Variants in CPED1 observed in about 807,000 individuals in gnomAD.
The protein encoded by CPED1 is cadherin like and PC-esterase domain containing 1.
In CPED1, 114 loss-of-function variants were observed where a neutral mutation model predicts 128.2. The ratio of observed to expected loss-of-function variants is 0.89; its 90% CI spans 0.76 to 1.04. The LOEUF (loss-of-function observed/expected upper bound fraction) is 1.04. Among genes scored for constraint, CPED1 ranks in the 50% least tolerant of loss-of-function variants. CPED1 has a pLI of 0.00. For missense variants in CPED1, 1,211 were observed against 1,207.1 expected (o/e 1.00, Z -0.05); for synonymous variants, 462 against 426.7 (o/e 1.08, Z -1.02).
At chr7:121,207,067 G>A (rs1159769815) in intron 16 of CPED1, among the ~76,000 whole-genome samples, 1 of 151,842 alleles carries the variant, frequency 6.6e-6, no homozygotes, top group Non-Finnish European at 1.5e-5. Context: ...TTCAGGTCAG[G>A]AGATATGAAA....
At chr7:121,227,000 A>G (rs1798029899) in intron 16 of CPED1, among the ~76,000 whole-genome samples, 1 of 152,068 alleles carries the variant, frequency 6.6e-6, no homozygotes, top group South Asian at 2.1e-4. Context: ...CCATTTGGAA[A>G]TTTCTCAAAA....
intron 22 of CPED1, among the ~76,000 whole-genome samples, chr7:121,286,126 G>A (rs1792566212): frequency 3.9e-5 from 6 of 152,164 alleles, no homozygotes; most frequent in Admixed American, 3.9e-4. Context: ...AGTGCATGGT[G>A]AAGCAGGGGA....
intron 16 of CPED1, among the ~76,000 whole-genome samples, chr7:121,225,524 TG>T (rs1797985274): frequency 6.6e-6 from 1 of 152,150 alleles, no homozygotes; most frequent in Non-Finnish European, 1.5e-5. Context: ...AATGTTGGCC[TG>T]CCTTGCTAGG....
At chr7:121,046,016 A>G (rs932937031) in intron 3 of CPED1, among the ~76,000 whole-genome samples, 1 of 152,070 alleles carries the variant, frequency 6.6e-6, no homozygotes, top group Non-Finnish European at 1.5e-5. Context: ...TATGTAGGGC[A>G]TGTGATCTAT....
In CPED1 at chr7:121,236,751, G is replaced by C. The variant is rs562249250; in HGVS notation, c.2093G>C (p.Gly698Ala). 1 of 1,608,524 alleles carries C rather than the reference G, an allele frequency of 6.2e-7. No individual in the cohort carries two copies. Among genetic ancestry groups the C allele is most frequent in the Admixed American group, 1.7e-5 (1 of 58,770 alleles). ...CTGATTCATCCAGAGGAAACCTGTG[G>C]GTTACAGCCTATTTCTTCTGACTAC... is the stretch of plus-strand genomic sequence containing the variant. ...GLLIHPEETC[G>A]LQPISSDYIE... Residue 698 changes from glycine (G) to alanine (A), a missense_variant, in exon 17 of 23, where the codon GGG (glycine) becomes GCG (alanine). Coordinates refer to ENST00000310396, the MANE Select transcript of CPED1 (RefSeq NM_024913.5).
chr7:121,291,925 C>G (rs1317342492), intron 22 of CPED1, among the ~76,000 whole-genome samples: 1 of 152,116 alleles, frequency 6.6e-6, no homozygotes, highest in Non-Finnish European at 1.5e-5. Flanking sequence ...CAGTATGATA[C>G]TGGCTGTGGG....
chr7:121,066,404 T>C (rs1793832001), intron 5 of CPED1, among the ~76,000 whole-genome samples: 1 of 152,272 alleles, frequency 6.6e-6, no homozygotes, highest in Non-Finnish European at 1.5e-5. Context: ...TATGTGTGTA[T>C]ATATAACTTA....
intron 16 of CPED1, among the ~76,000 whole-genome samples, chr7:121,203,614 C>T (rs1043088955): frequency 1.3e-5 from 2 of 152,178 alleles, no homozygotes; most frequent in Non-Finnish European, 2.9e-5. Flanking sequence ...GCAGCAAGGC[C>T]ATCACCCTCT....
At chr7:121,159,693 A>T (rs959585222) in intron 16 of CPED1, among the ~76,000 whole-genome samples, 12 of 152,264 alleles carry the variant, frequency 7.9e-5, no homozygotes, top group Admixed American at 1.3e-4. Context: ...GTATCTTTTT[A>T]AAAACTCTAC....
chr7:121,096,260 G>A (rs1794696322), intron 5 of CPED1, among the ~76,000 whole-genome samples: 1 of 152,008 alleles, frequency 6.6e-6, no homozygotes, highest in African/African-American at 2.4e-5. Context: ...ATGAGATACG[G>A]GAATACATTG....
At chr7:121,052,167 C>A (rs1793370632) in intron 4 of CPED1, among the ~76,000 whole-genome samples, 2 of 152,156 alleles carry the variant, frequency 1.3e-5, no homozygotes, top group South Asian at 4.1e-4. Flanking sequence ...ATGTTCCCAA[C>A]CTGGGGTGCA....
At chr7:121,105,423 A>G (rs985359640) in intron 7 of CPED1, among the ~76,000 whole-genome samples, 45 of 152,106 alleles carry the variant, frequency 3.0e-4, no homozygotes, top group African/African-American at 1.0e-3. Flanking sequence ...TTTTATGTCC[A>G]AAACTGCAGG....
chr7:121,120,341 C>G (rs1192674259), intron 7 of CPED1, among the ~76,000 whole-genome samples: 1 of 152,144 alleles, frequency 6.6e-6, no homozygotes. Flanking sequence ...AGTCACCATC[C>G]TAATGGGTGT....
At position 121,105,492 on chromosome 7, in the gene CPED1, G is replaced by A. The variant is rs191994476; in HGVS notation, c.918+5398G>A. Among the ~76,000 whole-genome samples, 264 of 152,180 alleles carry A rather than the reference G, an allele frequency of 1.7e-3. 6 individuals are homozygous for A. In the South Asian group the frequency reaches 0.029, roughly 17 times the overall value. On this transcript the variant is annotated intron_variant, in intron 7 of 22. Transcript: ENST00000310396. ...GAGCATCTGGCCCTTCGCTAGGCCC[G>A]GGAGATTTATGTCAGCTGTAGAAAG...
At position 121,127,208 on chromosome 7, in the gene CPED1, C is replaced by A; in HGVS notation, c.1253C>A (p.Ser418Tyr). ...NFLFPNESSLSIFSEIFQRLY... is the reference protein window; with the variant it reads ...NFLFPNESSLYIFSEIFQRLY... ...CTCTTCCCTAATGAATCATCACTTT[C>A]CATATTTTCTGAGATATTTCAGAGA... Residue 418 changes from serine (S) to tyrosine (Y), a missense_variant, in exon 10 of 23, where the codon TCC becomes TAC. Coordinates refer to ENST00000310396, the MANE Select transcript of CPED1 (RefSeq NM_024913.5). 6.3e-7 allele frequency: 1 copy of A among 1,593,176 alleles called. No individual in the cohort carries two copies. The highest frequency in any genetic ancestry group is 8.6e-7 in the Non-Finnish European group (1 of 1,163,320).
intron 3 of CPED1, among the ~76,000 whole-genome samples, chr7:121,041,476 G>C (rs559354446): frequency 7.9e-5 from 12 of 152,186 alleles, no homozygotes; most frequent in Non-Finnish European, 1.5e-4. Context: ...TTTTTATTAC[G>C]TGTGCCAGAA....
At chr7:121,255,573 G>A (rs1395264827) in intron 18 of CPED1, among the ~76,000 whole-genome samples, 1 of 151,912 alleles carries the variant, frequency 6.6e-6, no homozygotes, top group Non-Finnish European at 1.5e-5. Context: ...AGAGCAATCA[G>A]GCAGAGAAAG....
intron 4 of CPED1, chr7:121,050,310 T>C (rs185829301): frequency 6.5e-6 from 1 of 153,136 alleles, no homozygotes; most frequent in African/African-American, 2.4e-5. Context: ...TATATACTCA[T>C]ACAAATCCTC....
chr7:120,993,263 C>G (rs1562984296), intron 2 of CPED1, among the ~76,000 whole-genome samples: 1 of 152,170 alleles, frequency 6.6e-6, no homozygotes, highest in East Asian at 1.9e-4. Flanking sequence ...AAATTATAAA[C>G]AGAAGCAATG....
Sources: gnomAD v4.1 joint callset for allele counts (sites outside exome capture counted in the v4.1 genomes callset) on GRCh38, gnomAD v4.1.1 for gene constraint, MANE v1.5 for transcripts, NCBI Gene and HGNC (gene_info 2026-07-23, HGNC 2026-07-21) for gene names.